SNX32: variants seen among roughly 807,000 people sequenced by gnomAD.
SNX32 encodes sorting nexin-32.
In SNX32, 58 loss-of-function variants were observed where a neutral mutation model predicts 57.0. The ratio of observed to expected loss-of-function variants is 1.02; its 90% confidence interval spans 0.82 to 1.27. The LOEUF is 1.27. Ranked by LOEUF, SNX32 falls within the 50% of genes most tolerant of loss-of-function variation. The pLI, the probability that SNX32 is intolerant of heterozygous loss-of-function variation, is 0.00. For synonymous variants in SNX32, 262 were observed against 220.4 expected, an observed-to-expected ratio of 1.19 and a Z score of -1.67; for missense variants, 589 against 541.2, an observed-to-expected ratio of 1.09 and a Z score of -0.88.
intron 1 of SNX32, among the ~76,000 whole-genome samples, chr11:65,839,631 ACC>A (rs60409156): frequency 0.32 from 47,708 of 149,884 alleles, 8,020 homozygotes; most frequent in East Asian, 0.56. Context: ...AGCATGAGCC[ACC>A]GCACACCGGC....
rs1372715760 is a variant in SNX32, at chr11:65,851,684, G to A, written c.825+5G>A. 1.9e-6 allele frequency: 3 copies of A among 1,613,956 alleles called. No homozygotes were observed. The highest frequency in any genetic ancestry group is 2.2e-5 in the East Asian group (1 of 44,900). On this transcript the variant is annotated splice_donor_5th_base_variant and intron_variant, in intron 9 of 12. Transcript: ENST00000308342. ...GAGCTCTTTGAACGGCTGAGGGTGA[G>A]TACTGCCTTCTGTGCTCAAAGGCTT... is the stretch of plus-strand genomic sequence containing the variant.
intron 1 of SNX32, among the ~76,000 whole-genome samples, chr11:65,836,511 T>A (rs1335626220): frequency 6.6e-6 from 1 of 152,148 alleles, no homozygotes; most frequent in Non-Finnish European, 1.5e-5. Flanking sequence ...ACCATTGAAC[T>A]CTAGCCTGGG....
chr11:65,849,836 G>T lies in SNX32; in HGVS notation c.142-84G>T, dbSNP rs534697187. 4 of 1,110,978 alleles carry T rather than the reference G, an allele frequency of 3.6e-6. No homozygotes were observed. The South Asian group carries it at 6.2e-5, about 17-fold the overall frequency. The allele number at this position is 1,110,978 out of a possible 1,614,324, so 68.8% of individuals were successfully genotyped here. A position where few individuals can be genotyped will look rare whatever the true frequency, so the allele number is the denominator to read the frequency against. On this transcript the variant is annotated intron_variant, in intron 2 of 12. Coordinates refer to ENST00000308342, the MANE Select transcript of SNX32 (RefSeq NM_152760.3). ...TTGTCCTCCCTGGGATGTGGGATGA[G>T]GGGGGCCCAAAAGTGCATGCCCAGA...
At position 65,851,673 on chromosome 11, in the gene SNX32, G is replaced by A. The variant is rs1401370618; in HGVS notation, c.819G>A (p.Arg273=). The A allele has an allele frequency of 1.2e-6, 2 of 1,614,106 alleles. No individual in the cohort carries two copies. The highest frequency in any genetic ancestry group is 1.7e-6 in the Non-Finnish European group (2 of 1,179,988). The change falls in exon 9 of 13, where the codon CGG becomes CGA. Residue 273 remains arginine (R), a synonymous_variant. Transcript: ENST00000308342. ...SFLKLAELFE[R]LRKLEGRVAS... is the part of the protein sequence containing the mutation. ...TCAAATTGGCAGAGCTCTTTGAACG[G>A]CTGAGGGTGAGTACTGCCTTCTGTG...
At chr11:65,841,603 G>C (rs945161314) in intron 1 of SNX32, among the ~76,000 whole-genome samples, 1 of 151,880 alleles carries the variant, frequency 6.6e-6, no homozygotes, top group Non-Finnish European at 1.5e-5. Context: ...AGCAAAGAAA[G>C]GGCGCCTATA....
intron 1 of SNX32, among the ~76,000 whole-genome samples, chr11:65,837,173 A>G (rs1477123557): frequency 6.6e-6 from 1 of 152,214 alleles, no homozygotes; most frequent in Non-Finnish European, 1.5e-5. Context: ...GATGGGACAA[A>G]GAGAAAGCAA....
intron 8 of SNX32, 44 bp downstream of exon 8, chr11:65,851,447 A>G (rs751640351): frequency 1.9e-6 from 3 of 1,602,692 alleles, no homozygotes; most frequent in Middle Eastern, 1.7e-4. Flanking sequence ...TGCCTGTAAT[A>G]CCATGTCTTC....
chr11:65,849,394 T>C, intron 1 of SNX32, 84 bp from the exon 2 acceptor site: 1 of 1,017,292 alleles, frequency 9.8e-7, no homozygotes, highest in South Asian at 1.5e-5. Flanking sequence ...AAGAGGGTTC[T>C]GCAGGTGGAT....
chr11:65,850,733 C>A lies in SNX32; in HGVS notation c.499-18C>A, dbSNP rs774617572. ...GAGAACGCCCACCCCAGCATCATACCCTCCCTGTGTGCCTCAGCTGAGTGT... is the reference window on the plus strand; with the variant it reads ...GAGAACGCCCACCCCAGCATCATACACTCCCTGTGTGCCTCAGCTGAGTGT... On this transcript the variant is annotated intron_variant, in intron 5 of 12. Coordinates refer to ENST00000308342, the MANE Select transcript of SNX32 (RefSeq NM_152760.3). 6.2e-7 allele frequency: 1 copy of A among 1,611,612 alleles called. No homozygotes were observed. The highest frequency in any genetic ancestry group is 1.1e-5 in the South Asian group (1 of 90,906).
At chr11:65,842,607 C>T (rs548224334) in intron 1 of SNX32, among the ~76,000 whole-genome samples, 43 of 151,750 alleles carry the variant, frequency 2.8e-4, no homozygotes, top group Middle Eastern at 6.8e-3. Context: ...GAGCCAAGAT[C>T]GTGCCACTGC....
At chr11:65,852,363 A>T in intron 9 of SNX32, 102 bp from the exon 10 acceptor site, 1 of 1,038,720 alleles carries the variant, frequency 9.6e-7, no homozygotes, top group Non-Finnish European at 1.5e-6. Flanking sequence ...TGGAACAGTT[A>T]CCTAAGGCTT....
intron 1 of SNX32, among the ~76,000 whole-genome samples, chr11:65,834,983 TTGTG>T (rs762145609): frequency 2.0e-5 from 3 of 149,772 alleles, no homozygotes; most frequent in Admixed American, 6.6e-5. Context: ...GTGTATGTCG[TTGTG>T]TGTGTCTGTG....
chr11:65,853,253 G>T, intron 12 of SNX32, 29 bp from the exon 13 acceptor site: 3 of 1,613,946 alleles, frequency 1.9e-6, no homozygotes, highest in Non-Finnish European at 2.5e-6. Context: ...GGGAGCAGGG[G>T]ACTTCAAGGA....
chr11:65,846,759 G>A (rs1044722512), intron 1 of SNX32, among the ~76,000 whole-genome samples: 11 of 152,010 alleles, frequency 7.2e-5, no homozygotes, highest in Middle Eastern at 3.4e-3. Context: ...CAAGGCGGGA[G>A]GATGACCTGA....
chr11:65,840,302 TA>T (rs963862384), intron 1 of SNX32, among the ~76,000 whole-genome samples: 6 of 151,922 alleles, frequency 3.9e-5, no homozygotes, highest in East Asian at 1.9e-4. Context: ...TACCCTTGAT[TA>T]AAAAAAATAT....
chr11:65,851,785 CTT>C, intron 9 of SNX32, 106 bp downstream of exon 9: 1 of 1,333,860 alleles, frequency 7.5e-7, no homozygotes, highest in Non-Finnish European at 1.1e-6. Context: ...TCAGTGATAA[CTT>C]GGGCCCAGTG....
At chr11:65,851,220 T>C in intron 7 of SNX32, 60 bp downstream of exon 7, 1 of 1,596,434 alleles carries the variant, frequency 6.3e-7, no homozygotes, top group Non-Finnish European at 8.6e-7. Flanking sequence ...GTTCAACTCC[T>C]TGGGGGAGAG....
At chr11:65,834,437 G>C (rs553130567) in intron 1 of SNX32, among the ~76,000 whole-genome samples, 4 of 149,250 alleles carry the variant, frequency 2.7e-5, no homozygotes, top group East Asian at 2.0e-4. Context: ...CCGTGTCTCT[G>C]TGTGTGTGTG....
intron 1 of SNX32, 147 bp downstream of exon 1, chr11:65,834,248 C>A: frequency 1.1e-6 from 1 of 903,686 alleles, no homozygotes; most frequent in Non-Finnish European, 1.7e-6. Context: ...GTATAGTCTG[C>A]ATGTGTCTGT....
Sources: gnomAD v4.1 joint callset for allele counts (sites outside exome capture counted in the v4.1 genomes callset) on GRCh38, gnomAD v4.1.1 for gene constraint, MANE v1.5 for transcripts, NCBI Gene and HGNC (gene_info 2026-07-23, HGNC 2026-07-21) for gene names.